ABCC1: variants seen among roughly 807,000 people sequenced by gnomAD.
ABCC1 encodes multidrug resistance-associated protein 1.
ABCC1 carries 83 observed loss-of-function variants against 172.9 expected under a neutral mutation model. That is an observed-to-expected ratio of 0.48 (90% confidence interval 0.40 to 0.58). ABCC1 has a LOEUF of 0.58. ABCC1 is among the 20% of genes least tolerant of loss of function. The probability of loss-of-function intolerance (pLI) is 0.00; values close to 1 mark genes in which losing one functional copy is unlikely to be tolerated. For missense variants in ABCC1, 1,817 were observed against 2,002.7 expected, an observed-to-expected ratio of 0.91 and a Z score of 1.77; for synonymous variants, 937 against 825.2, an observed-to-expected ratio of 1.14 and a Z score of -2.32.
chr16:16,105,111 T>C (rs1333379619), intron 20 of ABCC1, among the ~76,000 whole-genome samples: 5 of 152,220 alleles, frequency 3.3e-5, no homozygotes. Context: ...CCTCAAGCGC[T>C]GCCAGAGTGG....
chr16:16,015,361 A>T (rs575033836), intron 4 of ABCC1, among the ~76,000 whole-genome samples: 1 of 152,188 alleles, frequency 6.6e-6, no homozygotes, highest in South Asian at 2.1e-4. Context: ...GATGGTGTCG[A>T]TCACTTGACT....
chr16:16,108,365 G>A lies in ABCC1; in HGVS notation c.2871+1492G>A, dbSNP rs536102756. 5.4e-5 allele frequency among the ~76,000 whole-genome samples: 8 copies of A among 149,132 alleles called. No individual in the cohort carries two copies. The South Asian group carries it at 1.7e-3, about 32-fold the overall frequency. On this transcript the variant is annotated intron_variant, in intron 21 of 30. Coordinates refer to ENST00000399410, the MANE Select transcript of ABCC1 (RefSeq NM_004996.4). The stretch of plus-strand genomic sequence containing the variant: ...CGCTCACCGCAACCTCCGCCTCCCG[G>A]GTTCAAGCAATTTACCTGCCTCAGC...
intron 7 of ABCC1, among the ~76,000 whole-genome samples, chr16:16,042,984 C>G (rs964633012): frequency 6.6e-6 from 1 of 151,940 alleles, no homozygotes; most frequent in Non-Finnish European, 1.5e-5. Flanking sequence ...TTCTCACCCT[C>G]CCAAGTAGCT....
chr16:16,090,373 C>G, intron 18 of ABCC1, 32 bp from the exon 19 acceptor site: 5 of 1,548,536 alleles, frequency 3.2e-6, no homozygotes, highest in Non-Finnish European at 3.5e-6. Flanking sequence ...CACATGTGCA[C>G]TCACGTGGCC....
At chr16:15,996,487 G>T (rs1219797115) in intron 1 of ABCC1, among the ~76,000 whole-genome samples, 1 of 152,154 alleles carries the variant, frequency 6.6e-6, no homozygotes, top group African/African-American at 2.4e-5. Context: ...GGAACTTGTG[G>T]TACACAGTAT....
intron 1 of ABCC1, among the ~76,000 whole-genome samples, chr16:15,984,273 G>C (rs573305051): frequency 6.6e-6 from 1 of 152,296 alleles, no homozygotes; most frequent in Non-Finnish European, 1.5e-5. Flanking sequence ...AAGTGAAAAC[G>C]TGGAGATCCA....
chr16:16,007,163 G>A (rs2047571471), intron 1 of ABCC1, among the ~76,000 whole-genome samples: 2 of 151,822 alleles, frequency 1.3e-5, no homozygotes, highest in African/African-American at 4.8e-5. Context: ...TGTGAGATGA[G>A]ATGCTACATA....
intron 21 of ABCC1, among the ~76,000 whole-genome samples, chr16:16,109,437 A>C: frequency 6.6e-6 from 1 of 152,164 alleles, no homozygotes; most frequent in East Asian, 1.9e-4. Flanking sequence ...TTGGCCTCCC[A>C]AAGTGCTGGC....
At chr16:16,010,921 T>A (rs912745338) in intron 3 of ABCC1, among the ~76,000 whole-genome samples, 2 of 152,142 alleles carry the variant, frequency 1.3e-5, no homozygotes, top group Non-Finnish European at 2.9e-5. Flanking sequence ...TCGGAGAGTG[T>A]AGCCCTTGAG....
At chr16:16,111,079 A>G (rs2052366689) in intron 21 of ABCC1, among the ~76,000 whole-genome samples, 1 of 151,974 alleles carries the variant, frequency 6.6e-6, no homozygotes, top group Admixed American at 6.6e-5. Context: ...TTATATTTTT[A>G]ATAGAGGCAG....
chr16:15,958,340 A>G (rs1010074644), intron 1 of ABCC1, among the ~76,000 whole-genome samples: 4 of 151,564 alleles, frequency 2.6e-5, no homozygotes, highest in South Asian at 2.1e-4. Flanking sequence ...TCCTGAACTC[A>G]AGTGGATCAC....
chr16:15,967,577 C>A (rs2046272650), intron 1 of ABCC1, among the ~76,000 whole-genome samples: 1 of 141,618 alleles, frequency 7.1e-6, no homozygotes, highest in South Asian at 2.2e-4. Context: ...CCCATCTCTA[C>A]AAAATAATAA....
intron 15 of ABCC1, among the ~76,000 whole-genome samples, chr16:16,077,285 C>T (rs1351486147): frequency 6.6e-6 from 1 of 152,166 alleles, no homozygotes; most frequent in Non-Finnish European, 1.5e-5. Flanking sequence ...CCAGAGAAAA[C>T]AATCTGTAGA....
At chr16:15,968,091 G>A (rs1206235658) in intron 1 of ABCC1, among the ~76,000 whole-genome samples, 1 of 152,042 alleles carries the variant, frequency 6.6e-6, no homozygotes, top group Non-Finnish European at 1.5e-5. Flanking sequence ...GGAGTACAGT[G>A]ATCTCGGCTC....
intron 10 of ABCC1, among the ~76,000 whole-genome samples, chr16:16,052,105 T>A: frequency 6.6e-6 from 1 of 152,022 alleles, no homozygotes; most frequent in Non-Finnish European, 1.5e-5. Context: ...GTGGTGTGAG[T>A]GTAGTCACAG....
intron 26 of ABCC1, among the ~76,000 whole-genome samples, chr16:16,128,884 AC>A (rs1269718141): frequency 2.6e-5 from 4 of 152,152 alleles, no homozygotes; most frequent in African/African-American, 9.7e-5. Context: ...AATTCCAGCT[AC>A]TTGGGAGGCT....
intron 19 of ABCC1, among the ~76,000 whole-genome samples, chr16:16,096,498 G>T (rs2051486456): frequency 6.6e-6 from 1 of 152,184 alleles, no homozygotes; most frequent in Admixed American, 6.6e-5. Flanking sequence ...GAGTTCATCA[G>T]ACAGACCCCC....
chr16:16,028,709 C>G (rs2048459585), intron 5 of ABCC1, among the ~76,000 whole-genome samples: 1 of 152,170 alleles, frequency 6.6e-6, no homozygotes, highest in African/African-American at 2.4e-5. Flanking sequence ...TCCCATGGGC[C>G]TCATGTCATT....
At chr16:16,031,828 G>A (rs759422290) in intron 5 of ABCC1, among the ~76,000 whole-genome samples, 2 of 151,990 alleles carry the variant, frequency 1.3e-5, no homozygotes, top group Non-Finnish European at 2.9e-5. Context: ...CACACATCAA[G>A]GCCCAGAAGT....
Sources: gnomAD v4.1 joint callset for allele counts (sites outside exome capture counted in the v4.1 genomes callset) on GRCh38, gnomAD v4.1.1 for gene constraint, MANE v1.5 for transcripts, NCBI Gene and HGNC (gene_info 2026-07-23, HGNC 2026-07-21) for gene names.